SGCD: variants seen among roughly 807,000 people sequenced by gnomAD.
SGCD encodes the protein delta-sarcoglycan.
A neutral mutation model predicts 36.6 loss-of-function variants in SGCD; 18 were observed. That is an observed-to-expected ratio of 0.49 (90% CI 0.34 to 0.73). SGCD has a LOEUF of 0.73. Among genes scored for constraint, SGCD ranks in the 30% least tolerant of loss-of-function variants. The probability of loss-of-function intolerance (pLI) is 0.01; values close to 1 mark genes in which losing one functional copy is unlikely to be tolerated. For missense variants in SGCD, 387 were observed against 346.7 expected, an observed-to-expected ratio of 1.12 and a Z score of -0.92; for synonymous variants, 133 against 130.6, an observed-to-expected ratio of 1.02 and a Z score of -0.12.
At chr5:156,699,592 GT>G (rs946967184) in intron 7 of SGCD, among the ~76,000 whole-genome samples, 24 of 151,896 alleles carry the variant, frequency 1.6e-4, no homozygotes, top group Non-Finnish European at 3.4e-4. Flanking sequence ...AAGGACTATT[GT>G]TTTTGATTTT....
At chr5:156,153,253 G>T (rs1008625541) in intron 3 of SGCD, among the ~76,000 whole-genome samples, 67 of 141,196 alleles carry the variant, frequency 4.7e-4, no homozygotes, top group Non-Finnish European at 5.9e-4. Context: ...AAAAAATGTT[G>T]TTTTTTTTTT....
intron 3 of SGCD, among the ~76,000 whole-genome samples, chr5:156,351,508 C>T (rs1405945581): frequency 6.6e-6 from 1 of 151,822 alleles, no homozygotes; most frequent in African/African-American, 2.4e-5. Context: ...TACCTACCTC[C>T]TAGGATTGTT....
At chr5:156,553,376 G>A (rs1302325828) in intron 4 of SGCD, among the ~76,000 whole-genome samples, 1 of 152,044 alleles carries the variant, frequency 6.6e-6, no homozygotes, top group African/African-American at 2.4e-5. Flanking sequence ...TCCCACACTT[G>A]GAATAAGTTT....
At chr5:156,310,009 G>T (rs1767349575) in intron 3 of SGCD, among the ~76,000 whole-genome samples, 1 of 151,962 alleles carries the variant, frequency 6.6e-6, no homozygotes, top group African/African-American at 2.4e-5. Flanking sequence ...TCTTCCTCAG[G>T]GTTTGCTGCC....
intron 1 of SGCD, among the ~76,000 whole-genome samples, chr5:156,113,447 A>G (rs144867899): frequency 5.6e-4 from 86 of 152,290 alleles, no homozygotes; most frequent in Non-Finnish European, 1.1e-3. Flanking sequence ...CAGAGATCTT[A>G]CAGTTGAGTG....
rs572951834 is a variant in SGCD, at chr5:156,240,506, G to T, written c.-43-89028G>T. On this transcript the variant is annotated intron_variant, in intron 3 of 9. Coordinates refer to the SGCD transcript ENST00000517913. ...TAATTTAAAAACAAGATATAGTTCA[G>T]TGTGAGATGGGTCAGTACAGACAAG... 5.9e-5 allele frequency among the ~76,000 whole-genome samples: 9 copies of T among 152,288 alleles called. No individual in the cohort carries two copies. In the East Asian group the frequency reaches 1.7e-3, roughly 29 times the overall value.
chr5:156,118,157 GCA>G (rs1761948372), intron 2 of SGCD, among the ~76,000 whole-genome samples: 1 of 152,096 alleles, frequency 6.6e-6, no homozygotes, highest in Non-Finnish European at 1.5e-5. Context: ...TTTCGAGACA[GCA>G]CAGAGGGCCC....
At chr5:156,485,426 G>T (rs1755616205) in intron 3 of SGCD, among the ~76,000 whole-genome samples, 1 of 152,164 alleles carries the variant, frequency 6.6e-6, no homozygotes, top group Non-Finnish European at 1.5e-5. Flanking sequence ...ACTTTTGGAG[G>T]CCAAGGCAGG....
At chr5:155,918,730 A>G (rs1391456456) in intron 1 of SGCD, among the ~76,000 whole-genome samples, 1 of 152,224 alleles carries the variant, frequency 6.6e-6, no homozygotes, top group Non-Finnish European at 1.5e-5. Context: ...AGCCCCAATT[A>G]GTGCCTGCCA....
At chr5:156,292,061 TA>T (rs779289684) in intron 3 of SGCD, among the ~76,000 whole-genome samples, 1 of 152,148 alleles carries the variant, frequency 6.6e-6, no homozygotes, top group Non-Finnish European at 1.5e-5. Context: ...TTGACTTTTT[TA>T]GATGCTGTGT....
At chr5:156,610,017 G>A (rs1761705247) in intron 6 of SGCD, among the ~76,000 whole-genome samples, 1 of 152,150 alleles carries the variant, frequency 6.6e-6, no homozygotes, top group South Asian at 2.1e-4. Flanking sequence ...AGAGTAGTTT[G>A]ATCATCTGAA....
At chr5:156,442,773 C>T (rs1219416354) in intron 3 of SGCD, among the ~76,000 whole-genome samples, 3 of 152,100 alleles carry the variant, frequency 2.0e-5, no homozygotes, top group Admixed American at 6.6e-5. Context: ...TATCAGGTAC[C>T]ATGGAATGTA....
chr5:155,790,132 C>A, the SGCD span, among the ~76,000 whole-genome samples: 13 of 152,062 alleles, frequency 8.5e-5, no homozygotes, highest in East Asian at 2.5e-3. Flanking sequence ...TGAAACAAAG[C>A]TTTACTCTCA....
intron 3 of SGCD, among the ~76,000 whole-genome samples, chr5:156,501,918 G>A (rs915828032): frequency 2.1e-4 from 32 of 152,016 alleles, no homozygotes; most frequent in African/African-American, 7.7e-4. Flanking sequence ...TCCCCCTATT[G>A]GGCTACTATA....
intron 3 of SGCD, among the ~76,000 whole-genome samples, chr5:156,216,038 T>C (rs927423000): frequency 6.6e-6 from 1 of 152,180 alleles, no homozygotes; most frequent in African/African-American, 2.4e-5. Context: ...ACAATGTGGA[T>C]GAACCTGGAG....
At chr5:156,602,554 C>T (rs1299530414) in intron 6 of SGCD, among the ~76,000 whole-genome samples, 2 of 152,044 alleles carry the variant, frequency 1.3e-5, no homozygotes, top group Non-Finnish European at 2.9e-5. Context: ...AGGGAACTTC[C>T]CATTCAGTAT....
intron 7 of SGCD, among the ~76,000 whole-genome samples, chr5:156,703,091 C>CATGATGTTGCTTGCAATGCTTGCTA (rs1754591134): frequency 6.6e-6 from 1 of 152,210 alleles, no homozygotes; most frequent in Non-Finnish European, 1.5e-5. Flanking sequence ...TTGACTCTGA[C>CATGATGTTGCTTGCAATGCTTGCTA]ATGATGTTGC....
rs116785009 is a variant in SGCD, at chr5:156,362,696, C to T, written c.192+18019C>T. Among the ~76,000 whole-genome samples, 416 of 152,216 alleles carry T rather than the reference C, an allele frequency of 2.7e-3. 4 individuals are homozygous for T. The highest frequency in any genetic ancestry group is 9.2e-3 in the African/African-American group (381 of 41,550). On this transcript the variant is annotated intron_variant, in intron 3 of 8. Transcript: ENST00000337851. Reference sequence around the variant, plus strand: ...CATTCCATAGTGTGACTACTGTGAACCTCGTGGCTAGTCTCTGGGATGGAC... The same window carrying T: ...CATTCCATAGTGTGACTACTGTGAATCTCGTGGCTAGTCTCTGGGATGGAC...
chr5:156,718,153 C>A (rs2113771698), intron 7 of SGCD, among the ~76,000 whole-genome samples: 1 of 152,216 alleles, frequency 6.6e-6, no homozygotes, highest in South Asian at 2.1e-4. Flanking sequence ...GTCTGTCTTC[C>A]TCATTAGGCT....
Sources: allele counts gnomAD v4.1 joint callset (sites outside exome capture counted in the v4.1 genomes callset), GRCh38; gene constraint gnomAD v4.1.1; transcripts MANE v1.5; gene names NCBI Gene and HGNC (gene_info 2026-07-23, HGNC 2026-07-21).